EMILIN2: variants seen among roughly 807,000 people sequenced by gnomAD.
EMILIN2 encodes the protein elastin microfibril interfacer 2, also known as EMILIN-2.
A neutral mutation model predicts 87.1 loss-of-function variants in EMILIN2; 71 were observed. The observed-to-expected ratio is 0.82, with a 90% CI of 0.67 to 0.99. EMILIN2 has a LOEUF of 0.99. EMILIN2 is among the 50% of genes least tolerant of loss of function. The probability of loss-of-function intolerance (pLI) is 0.00; values close to 1 mark genes in which losing one functional copy is unlikely to be tolerated. For missense variants in EMILIN2, 1,407 were observed against 1,371.8 expected (o/e 1.03, Z -0.40); for synonymous variants, 581 against 563.4 (o/e 1.03, Z -0.44).
intron 2 of EMILIN2, among the ~76,000 whole-genome samples, chr18:2,877,777 C>CA (rs756901867): frequency 0.03 from 3,198 of 104,984 alleles, 106 homozygotes; most frequent in African/African-American, 0.098. Flanking sequence ...CATTCCATCT[C>CA]AAAAAAAAAA....
intron 5 of EMILIN2, among the ~76,000 whole-genome samples, chr18:2,908,335 G>C (rs908676341): frequency 6.6e-6 from 1 of 151,862 alleles, no homozygotes; most frequent in African/African-American, 2.4e-5. Flanking sequence ...TCCACCCATC[G>C]ATACATCCAT....
chr18:2,901,925 G>C (rs1315443453), intron 4 of EMILIN2, among the ~76,000 whole-genome samples: 1 of 152,148 alleles, frequency 6.6e-6, no homozygotes, highest in East Asian at 1.9e-4. Flanking sequence ...TGATGTGGCG[G>C]GCTGCTTTGG....
chr18:2,868,085 A>AGGGACTCCTGACTTCTCAGATGGG lies in EMILIN2; in HGVS notation c.258-16878_258-16877insGGACTCCTGACTTCTCAGATGGGG, dbSNP rs1568459750. 2.1e-4 allele frequency among the ~76,000 whole-genome samples: 32 copies of AGGGACTCCTGACTTCTCAGATGGG among 150,872 alleles called. 1 individual carries two copies. The highest frequency in any genetic ancestry group is 7.5e-4 in the African/African-American group (31 of 41,196). On this transcript the variant is annotated intron_variant, in intron 2 of 7. Transcript: ENST00000254528. ...ACGGGGCTCCTCACTTCTCAGATGG[A>AGGGACTCCTGACTTCTCAGATGGG]GCGGCTGCCGGGTGGAGGGACTCCT... is the stretch of plus-strand genomic sequence containing the variant.
At chr18:2,857,757 T>A (rs571851361) in intron 2 of EMILIN2, among the ~76,000 whole-genome samples, 1 of 152,318 alleles carries the variant, frequency 6.6e-6, no homozygotes, top group Non-Finnish European at 1.5e-5. Flanking sequence ...GTCCGGTCTG[T>A]TGTGCTGACG....
chr18:2,858,362 C>T (rs1036689172), intron 2 of EMILIN2, among the ~76,000 whole-genome samples: 1 of 150,590 alleles, frequency 6.6e-6, no homozygotes, highest in Non-Finnish European at 1.5e-5. Flanking sequence ...CATTCTTAGG[C>T]CTTTGCATCC....
At chr18:2,893,638 C>T (rs1031315796) in intron 4 of EMILIN2, among the ~76,000 whole-genome samples, 1 of 152,180 alleles carries the variant, frequency 6.6e-6, no homozygotes, top group Non-Finnish European at 1.5e-5. Flanking sequence ...CTGAGACAGC[C>T]TCCGACATAA....
rs2076579037 is a variant in EMILIN2, at chr18:2,847,208, C to T, written c.20C>T (p.Pro7Leu). Residue 7 changes from proline to leucine, a missense_variant, in exon 1 of 8, where the codon CCC becomes CTC. Transcript: ENST00000254528. The surrounding 1 kb of genome is among the most constrained non-coding windows in gnomAD (Gnocchi z 4.5). MWQPRR[P>L]WPRVPWRWAL... ...CGCGGGATGTGGCAGCCCAGACGGC[C>T]CTGGCCCCGCGTGCCCTGGCGCTGG... 1 of 1,230,892 alleles carries T rather than the reference C, an allele frequency of 8.1e-7. No individual in the cohort carries two copies. The highest frequency in any genetic ancestry group is 1.0e-6 in the Non-Finnish European group (1 of 986,392). 76.2% of individuals were successfully genotyped at this position (1,230,892 alleles called of 1,614,324 possible).
chr18:2,886,744 G>C (rs2076805288), intron 3 of EMILIN2, among the ~76,000 whole-genome samples: 2 of 152,196 alleles, frequency 1.3e-5, no homozygotes, highest in African/African-American at 4.8e-5. Flanking sequence ...ATTCCTTACA[G>C]TTAAATCATT....
rs1235917329 is a variant in EMILIN2 at position 2,847,362 on chromosome 18, C to A, written c.134+40C>A. ...CTTGGCTGGCCCCAAACCGCCTACC[C>A]CTCCCCGGCCCCCAGTTGAGCCCCA... is the stretch of plus-strand genomic sequence containing the variant. On this transcript the variant is annotated intron_variant, in intron 1 of 7. Coordinates refer to ENST00000254528, the MANE Select transcript of EMILIN2 (RefSeq NM_032048.3). This position sits in a 1 kb window ranked among gnomAD's most constrained non-coding sequence, Gnocchi z 4.5. 3.1e-6 allele frequency: 4 copies of A among 1,284,206 alleles called. No individual in the cohort carries two copies. The highest frequency in any genetic ancestry group is 1.6e-5 in the African/African-American group (1 of 64,024). 79.6% of individuals were successfully genotyped at this position (1,284,206 alleles called of 1,614,324 possible). A position where few individuals can be genotyped will look rare whatever the true frequency, so the allele number is the denominator to read the frequency against.
intron 5 of EMILIN2, 109 bp from the exon 6 acceptor site, chr18:2,908,834 A>T: frequency 7.9e-7 from 1 of 1,271,336 alleles, no homozygotes; most frequent in Non-Finnish European, 1.2e-6. Context: ...TTTCTATAGT[A>T]GTGAAGACTC....
intron 2 of EMILIN2, among the ~76,000 whole-genome samples, chr18:2,858,473 C>T (rs557382385): frequency 3.7e-5 from 5 of 136,374 alleles, no homozygotes; most frequent in African/African-American, 1.4e-4. Context: ...ATCCAGGTTG[C>T]TGCGAATACC....
chr18:2,901,818 C>T (rs1289606023), intron 4 of EMILIN2, among the ~76,000 whole-genome samples: 1 of 152,158 alleles, frequency 6.6e-6, no homozygotes, highest in African/African-American at 2.4e-5. Context: ...CGTTCGGCAC[C>T]CCACGTGATG....
In EMILIN2 at chr18:2,914,713, A is replaced by T. The variant is rs563168929; in HGVS notation, c.*1309A>T. The T allele has an allele frequency of 6.6e-6, 1 of 150,862 alleles. No homozygotes were observed. Among genetic ancestry groups the T allele is most frequent in the South Asian group, 2.4e-4 (1 of 4,110 alleles). The allele number at this position is 150,862 out of a possible 1,614,324, so 9.3% of individuals were successfully genotyped here. On this transcript the variant is annotated 3_prime_UTR_variant, in exon 8 of 8. Transcript: ENST00000254528. ...GGCCCACAAGATGCTCTTATGCTGT[A>T]AAAAAAATGCTTTAAGAATTGTTTG...
chr18:2,846,804 G>A (rs528473360), upstream of EMILIN2: 11 of 985,456 alleles, frequency 1.1e-5, no homozygotes, highest in South Asian at 5.2e-4. The surrounding 1 kb of genome is among the most constrained non-coding windows in gnomAD (Gnocchi z 5.3). Context: ...CATTGGAAAT[G>A]CTGTAACGTA....
intron 4 of EMILIN2, among the ~76,000 whole-genome samples, chr18:2,895,683 A>G (rs1419397258): frequency 6.6e-6 from 1 of 152,146 alleles, no homozygotes; most frequent in Non-Finnish European, 1.5e-5. Context: ...TCCTCACAGC[A>G]TGGCGGTGTC....
Position 2,906,780 on chromosome 18 carries a change from C to T in EMILIN2, c.2360-3C>T. On this transcript the variant is annotated splice_polypyrimidine_tract_variant and splice_region_variant and intron_variant, in intron 4 of 7. Transcript: ENST00000254528. ...GTGTTTCTTTCTCCCCGACGCCCGG[C>T]AGAGGCGCCCTCGCCCCCGCCGCCC... 1.3e-5 allele frequency: 17 copies of T among 1,261,480 alleles called. No individual in the cohort carries two copies. The highest frequency in any genetic ancestry group is 1.7e-5 in the Non-Finnish European group (17 of 1,007,682). The allele number at this position is 1,261,480 out of a possible 1,614,324, so 78.1% of individuals were successfully genotyped here. A position where few individuals can be genotyped will look rare whatever the true frequency, so the allele number is the denominator to read the frequency against.
At chr18:2,877,832 A>G (rs1166096603) in intron 2 of EMILIN2, among the ~76,000 whole-genome samples, 2 of 152,162 alleles carry the variant, frequency 1.3e-5, no homozygotes, top group African/African-American at 4.8e-5. Flanking sequence ...TTTCTAAATT[A>G]GAACACTGAA....
At chr18:2,906,379 G>A (rs1384460139) in intron 4 of EMILIN2, 1 of 158,162 alleles carries the variant, frequency 6.3e-6, no homozygotes, top group Non-Finnish European at 1.4e-5. Flanking sequence ...GAGGCCGTGG[G>A]GCCCCGGCAG....
At chr18:2,898,974 G>T (rs370040912) in intron 4 of EMILIN2, among the ~76,000 whole-genome samples, 1 of 152,176 alleles carries the variant, frequency 6.6e-6, no homozygotes, top group South Asian at 2.1e-4. Context: ...CCTTTGGTTC[G>T]TGTAAACCGC....
Sources: gnomAD v4.1 joint callset for allele counts (sites outside exome capture counted in the v4.1 genomes callset) on GRCh38, gnomAD v4.1.1 for gene constraint, Gnocchi (gnomAD v3.1) non-coding constraint, MANE v1.5 for transcripts, NCBI Gene and HGNC (gene_info 2026-07-23, HGNC 2026-07-21) for gene names.